Variants in PARVB observed in about 807,000 individuals in gnomAD.
The protein encoded by PARVB is beta-parvin.
PARVB carries 46 observed loss-of-function variants against 47.0 expected under a neutral mutation model. The ratio of observed to expected loss-of-function variants is 0.98; its 90% CI spans 0.77 to 1.25. The LOEUF is 1.25. Among genes scored for constraint, PARVB ranks in the 50% most tolerant of loss-of-function variants. The pLI, the probability that PARVB is intolerant of heterozygous loss-of-function variation, is 0.00. For missense variants in PARVB, 473 were observed against 471.6 expected (o/e 1.00, Z -0.03); for synonymous variants, 196 against 196.3 (o/e 1.00, Z 0.01).
intron 2 of PARVB, among the ~76,000 whole-genome samples, chr22:44,003,791 G>T (rs1438135829): frequency 6.6e-6 from 1 of 152,192 alleles, no homozygotes; most frequent in Non-Finnish European, 1.5e-5. Context: ...GCAGGGTGTT[G>T]TACAGGTGGC....
intron 2 of PARVB, among the ~76,000 whole-genome samples, chr22:44,095,951 C>T (rs571468726): frequency 3.3e-5 from 5 of 152,174 alleles, no homozygotes; most frequent in East Asian, 1.9e-4. Context: ...CCACCAGGCT[C>T]GGTGGCTCAG....
chr22:44,076,319 G>A (rs765641425), intron 1 of PARVB, among the ~76,000 whole-genome samples: 2 of 152,210 alleles, frequency 1.3e-5, no homozygotes, highest in African/African-American at 4.8e-5. Context: ...GCGGCCACCC[G>A]CAGCCCTGTG....
chr22:44,087,846 GT>G (rs57893038), intron 1 of PARVB, among the ~76,000 whole-genome samples: 1,855 of 121,240 alleles, frequency 0.015, 17 homozygotes, highest in African/African-American at 0.027. Flanking sequence ...GAACGATGGT[GT>G]TTTTTTTTTT....
At chr22:44,080,197 G>A (rs542816631) in intron 1 of PARVB, among the ~76,000 whole-genome samples, 21 of 152,334 alleles carry the variant, frequency 1.4e-4, no homozygotes, top group Admixed American at 5.2e-4. Context: ...TTGAAATTAC[G>A]TGGAGTTGCT....
At chr22:44,055,564 A>C (rs956578518) in intron 1 of PARVB, among the ~76,000 whole-genome samples, 2 of 151,832 alleles carry the variant, frequency 1.3e-5, no homozygotes, top group East Asian at 3.9e-4. Flanking sequence ...CGATCTCCTG[A>C]CCTCGTGATC....
intron 11 of PARVB, among the ~76,000 whole-genome samples, chr22:44,158,911 A>G (rs951427274): frequency 2.0e-5 from 3 of 152,252 alleles, no homozygotes; most frequent in African/African-American, 7.2e-5. Flanking sequence ...AGCCAGAGAA[A>G]TAGCAGAAAT....
At chr22:44,073,353 G>C (rs2051695598) in intron 1 of PARVB, among the ~76,000 whole-genome samples, 2 of 152,140 alleles carry the variant, frequency 1.3e-5, no homozygotes, top group African/African-American at 4.8e-5. Context: ...ATTTAGCTGG[G>C]CGTGGCGGTG....
At position 44,063,211 on chromosome 22, in the gene PARVB, A is replaced by G. The variant is rs150223629; in HGVS notation, c.113-30717A>G. ...CCAGGGACTGGTGGCAGAGACCAATATGAATATTTCTTTTCTTTTCTTTTT... is the reference window on the plus strand; with the variant it reads ...CCAGGGACTGGTGGCAGAGACCAATGTGAATATTTCTTTTCTTTTCTTTTT... On this transcript the variant is annotated intron_variant, in intron 1 of 12. Transcript: ENST00000338758. Among the ~76,000 whole-genome samples the G allele has an allele frequency of 2.0e-3, 297 of 151,350 alleles. 3 individuals carry two copies. The highest frequency in any genetic ancestry group is 7.0e-3 in the African/African-American group (289 of 41,060).
intron 1 of PARVB, among the ~76,000 whole-genome samples, chr22:44,063,859 C>T (rs1324055496): frequency 2.6e-5 from 4 of 152,136 alleles, no homozygotes; most frequent in African/African-American, 9.7e-5. Context: ...CTCGGATTCC[C>T]AGTTCTGGCC....
chr22:44,168,729 C>T lies in PARVB; in HGVS notation c.*51C>T. 7.9e-7 allele frequency: 1 copy of T among 1,272,554 alleles called. No individual in the cohort carries two copies. Among genetic ancestry groups the T allele is most frequent in the Non-Finnish European group, 1.2e-6 (1 of 869,150 alleles). 78.8% of individuals were successfully genotyped at this position (1,272,554 alleles called of 1,614,324 possible). On this transcript the variant is annotated 3_prime_UTR_variant, in exon 13 of 13. Transcript: ENST00000338758. ...AGTGTCCCAGCAAGAAAGGCGGCAT[C>T]CGTCTGTGCCCTGTGCCTTTCCAGG...
At chr22:44,022,754 T>A (rs2050666017), upstream of PARVB, among the ~76,000 whole-genome samples, 1 of 151,852 alleles carries the variant, frequency 6.6e-6, no homozygotes, top group Admixed American at 6.6e-5. Context: ...TTTATTTTTT[T>A]TTTATTTTTG....
intron 11 of PARVB, among the ~76,000 whole-genome samples, chr22:44,161,423 T>G (rs535342692): frequency 4.6e-5 from 7 of 151,698 alleles, no homozygotes; most frequent in Admixed American, 3.3e-4. Flanking sequence ...AAGCGATTCT[T>G]CTGCCTCAGC....
At chr22:44,020,561 C>T (rs1157642513), upstream of PARVB, among the ~76,000 whole-genome samples, 1 of 152,174 alleles carries the variant, frequency 6.6e-6, no homozygotes, top group Non-Finnish European at 1.5e-5. Flanking sequence ...TCTTACCCCC[C>T]TCAGGTTTGA....
intron 2 of PARVB, among the ~76,000 whole-genome samples, chr22:44,018,724 G>A (rs1296457832): frequency 6.6e-6 from 1 of 152,034 alleles, no homozygotes; most frequent in African/African-American, 2.4e-5. Flanking sequence ...CTCCTTCCTT[G>A]CACAAGATCA....
Position 44,172,701 on chromosome 22 carries a change from C to A in PARVB, c.*4023C>A. ...CCCTGTTTTGTGTGCCAGTATTTTA[C>A]TGTCTTCTTAATTGTTTTAAGCAAT... is the stretch of plus-strand genomic sequence containing the variant. On this transcript the variant is annotated 3_prime_UTR_variant, in exon 13 of 13. Coordinates refer to ENST00000338758, the MANE Select transcript of PARVB (RefSeq NM_013327.5). 1 of 275,772 alleles carries A rather than the reference C, an allele frequency of 3.6e-6. No homozygotes were observed. 17.1% of individuals were successfully genotyped at this position (275,772 alleles called of 1,614,324 possible). A position where few individuals can be genotyped will look rare whatever the true frequency, so the allele number is the denominator to read the frequency against.
intron 6 of PARVB, among the ~76,000 whole-genome samples, 170 bp from the exon 7 acceptor site, chr22:44,136,290 C>T (rs1350048030): frequency 5.9e-5 from 9 of 152,152 alleles, no homozygotes; most frequent in Non-Finnish European, 8.8e-5. Flanking sequence ...GCCCAGGGTC[C>T]CCTGCTGTGT....
intron 1 of PARVB, chr22:44,040,000 C>G (rs1404398313): frequency 2.8e-6 from 1 of 352,666 alleles, no homozygotes; most frequent in East Asian, 9.9e-5. Flanking sequence ...TTACAATGTT[C>G]TACAGCAGAC....
At chr22:44,054,162 T>G (rs993452498) in intron 1 of PARVB, among the ~76,000 whole-genome samples, 2 of 152,186 alleles carry the variant, frequency 1.3e-5, no homozygotes, top group Non-Finnish European at 2.9e-5. Context: ...GAGTCCTGCC[T>G]TGGGCAGGTG....
At chr22:44,057,172 A>G (rs2051330742) in intron 1 of PARVB, among the ~76,000 whole-genome samples, 1 of 152,144 alleles carries the variant, frequency 6.6e-6, no homozygotes, top group Admixed American at 6.6e-5. Context: ...GGAAAATTAA[A>G]CACATTTAAG....
Sources: gnomAD v4.1 joint callset for allele counts (sites outside exome capture counted in the v4.1 genomes callset) on GRCh38, gnomAD v4.1.1 for gene constraint, MANE v1.5 for transcripts, NCBI Gene and HGNC (gene_info 2026-07-23, HGNC 2026-07-21) for gene names.